Variants in SLC6A7 observed in about 807,000 individuals in gnomAD.
SLC6A7 encodes the protein solute carrier family 6 member 7.
A neutral mutation model predicts 73.1 loss-of-function variants in SLC6A7; 58 were observed. That is an observed-to-expected ratio of 0.79 (90% CI 0.64 to 0.99). The LOEUF is 0.99. Among genes scored for constraint, SLC6A7 ranks in the 50% least tolerant of loss-of-function variants. The pLI, the probability that SLC6A7 is intolerant of heterozygous loss-of-function variation, is 0.00. For missense variants in SLC6A7, 783 were observed against 831.4 expected, an observed-to-expected ratio of 0.94 and a Z score of 0.72; for synonymous variants, 338 against 338.7, an observed-to-expected ratio of 1.00 and a Z score of 0.02.
At position 150,209,745 on chromosome 5, in the gene SLC6A7, C is replaced by T. The variant is rs958977558; in HGVS notation, c.*130C>T. The T allele has an allele frequency of 1.8e-5, 14 of 757,036 alleles. No individual in the cohort carries two copies. Among genetic ancestry groups the T allele is most frequent in the Non-Finnish European group, 2.9e-5 (13 of 448,210 alleles). 46.9% of individuals were successfully genotyped at this position (757,036 alleles called of 1,614,324 possible). A position where few individuals can be genotyped will look rare whatever the true frequency, so the allele number is the denominator to read the frequency against. On this transcript the variant is annotated 3_prime_UTR_variant, in exon 14 of 14. Coordinates refer to ENST00000230671, the MANE Select transcript of SLC6A7 (RefSeq NM_014228.5). ...GGGGCCTGCCATAGGGATGCCAGTC[C>T]CCCAGTGGGGGTCCCTTCTGCAGCC...
rs775635399 is a variant in SLC6A7 at position 150,202,447 on chromosome 5, A to C, written c.959A>C (p.Tyr320Ser). Residue 320 changes from tyrosine to serine, a missense_variant, in exon 7 of 14, where the codon TAT becomes TCT. Tyr to Ser is a moderately radical substitution (Grantham distance 144, BLOSUM62 -2). Transcript: ENST00000230671. ...TACAACACGTTTCACCAGAACATCT[A>C]TAGGTCAGTGTCCCACAGCCTCCCA... ...ASYNTFHQNI[Y>S]RDTFIVTLGN... The C allele has an allele frequency of 5.6e-6, 9 of 1,613,358 alleles. No homozygotes were observed. The highest frequency in any genetic ancestry group is 7.6e-6 in the Non-Finnish European group (9 of 1,179,444).
Position 150,190,456 on chromosome 5 carries a change from C to T in SLC6A7, c.33+96C>T. 6.2e-6 allele frequency: 5 copies of T among 804,642 alleles called. No homozygotes were observed. In the South Asian group the frequency reaches 8.5e-5, roughly 14 times the overall value. 49.8% of individuals were successfully genotyped at this position (804,642 alleles called of 1,614,324 possible). A position where few individuals can be genotyped will look rare whatever the true frequency, so the allele number is the denominator to read the frequency against. On this transcript the variant is annotated intron_variant, in intron 1 of 13. Coordinates refer to ENST00000230671, the MANE Select transcript of SLC6A7 (RefSeq NM_014228.5). ...CCCCTGGGGAAGGTCTGAGGATGCA[C>T]CCAGACCAGCTTCGGGCTCTGGGGA... is the stretch of plus-strand genomic sequence containing the variant.
rs781504041 is a variant in SLC6A7, at chr5:150,204,900, G to A, written c.1506G>A (p.Trp502Ter). 1.2e-6 allele frequency: 2 copies of A among 1,606,010 alleles called. No individual in the cohort carries two copies. Among genetic ancestry groups the A allele is most frequent in the Non-Finnish European group, 1.7e-6 (2 of 1,172,718 alleles). ...FKPGLYFRAC[W>*]LFLSPATLLA... ...CGGGCCTCTACTTCAGGGCCTGCTG[G>A]CTGTTCCTGTCCCCAGCCACGCTCT... is the stretch of plus-strand genomic sequence containing the variant. Residue 502 changes from tryptophan to a stop codon, truncating the protein, a stop_gained, in exon 12 of 14, where the codon TGG becomes TGA. Transcript: ENST00000230671. LOFTEE classifies it high-confidence loss of function.
chr5:150,196,681 C>G, intron 2 of SLC6A7, 35 bp from the exon 3 acceptor site: 1 of 1,599,426 alleles, frequency 6.3e-7, no homozygotes, highest in Non-Finnish European at 8.5e-7. Flanking sequence ...GGGAGCTGCC[C>G]CCAAGGCCCT....
intron 13 of SLC6A7, among the ~76,000 whole-genome samples, chr5:150,208,120 T>C (rs1178486880): frequency 6.6e-6 from 1 of 151,616 alleles, no homozygotes; most frequent in Non-Finnish European, 1.5e-5. Context: ...CAAACCTAAG[T>C]CCTTGTTCTC....
rs187765008 is a variant in SLC6A7, at chr5:150,203,886, C to A, written c.1201-21C>A. The A allele has an allele frequency of 3.6e-3, 5,787 of 1,609,430 alleles. 15 individuals are homozygous for A. The highest frequency in any genetic ancestry group is 4.3e-3 in the Non-Finnish European group (5,041 of 1,178,258). ...GTGTTGGGGATAGAATTCTGACCCC[C>A]AGCCCCTCCTCTCTCCTCAGTTTGC... On this transcript the variant is annotated intron_variant, in intron 9 of 13. Transcript: ENST00000230671.
In SLC6A7 at chr5:150,201,694, C is replaced by G. The variant is rs1482657069; in HGVS notation, c.858+471C>G. 2.6e-5 allele frequency among the ~76,000 whole-genome samples: 4 copies of G among 152,260 alleles called. No individual in the cohort carries two copies. The East Asian group carries it at 7.7e-4, about 29-fold the overall frequency. ...GTCATACAGCTAGGGGATCGAAGAA[C>G]AGGGATCCCAGCCCAGATTTGTGTG... On this transcript the variant is annotated intron_variant, in intron 6 of 13. Transcript: ENST00000230671.
At chr5:150,205,685 C>A in intron 13 of SLC6A7, 62 bp downstream of exon 13, 1 of 1,415,232 alleles carries the variant, frequency 7.1e-7, no homozygotes, top group South Asian at 1.3e-5. Context: ...CCTAGGTCCC[C>A]CTGCTAGAAC....
intron 13 of SLC6A7, among the ~76,000 whole-genome samples, chr5:150,208,033 C>G (rs558569364): frequency 6.6e-6 from 1 of 151,788 alleles, no homozygotes; most frequent in African/African-American, 2.4e-5. Flanking sequence ...CCCCATAACA[C>G]AGAATCCTCT....
chr5:150,205,748 T>TG, intron 13 of SLC6A7, 125 bp downstream of exon 13: 1 of 840,104 alleles, frequency 1.2e-6, no homozygotes, highest in Non-Finnish European at 1.8e-6. Flanking sequence ...TGAGGAGACT[T>TG]GCCTGGGCTG....
chr5:150,197,848 G>T (rs1294481720), intron 4 of SLC6A7, among the ~76,000 whole-genome samples: 1 of 152,084 alleles, frequency 6.6e-6, no homozygotes, highest in African/African-American at 2.4e-5. Context: ...ATAGAGATAG[G>T]ACTATAATAG....
At chr5:150,196,972 C>A in intron 3 of SLC6A7, 70 bp from the exon 4 acceptor site, 1 of 1,545,708 alleles carries the variant, frequency 6.5e-7, no homozygotes, top group African/African-American at 1.4e-5. Flanking sequence ...CTGCCAGCTC[C>A]CCAGAAGCCA....
At position 150,203,920 on chromosome 5, in the gene SLC6A7, A is replaced by T. The variant is rs1207808004; in HGVS notation, c.1214A>T (p.Glu405Val). The T allele has an allele frequency of 3.7e-6, 6 of 1,612,432 alleles. No homozygotes were observed. In the Admixed American group the frequency reaches 1.0e-4, roughly 27 times the overall value. Residue 405 changes from glutamate to valine, a missense_variant, in exon 10 of 14, where the codon GAG (glutamate) becomes GTG (valine). Glu to Val is a moderately radical substitution (Grantham distance 121). Transcript: ENST00000230671. ...CTCTCTCCTCAGTTTGCTTTTCTGG[A>T]GACCATTGTGACAGCTGTGACAGAT... ...LGLDSQFAFL[E>V]TIVTAVTDEF...
intron 8 of SLC6A7, 136 bp from the exon 9 acceptor site, chr5:150,203,528 AGGG>A: frequency 1.6e-6 from 1 of 606,982 alleles, no homozygotes; most frequent in Non-Finnish European, 3.0e-6. Context: ...GAAGTATCAG[AGGG>A]TGCATTTAAG....
At chr5:150,201,728 C>A (rs1753393517) in intron 6 of SLC6A7, among the ~76,000 whole-genome samples, 1 of 152,118 alleles carries the variant, frequency 6.6e-6, no homozygotes, top group Admixed American at 6.5e-5. Flanking sequence ...TGACTGTAAA[C>A]CCCAAGGAGG....
intron 1 of SLC6A7, among the ~76,000 whole-genome samples, chr5:150,193,965 C>T (rs1402812415): frequency 5.3e-5 from 8 of 152,038 alleles, no homozygotes; most frequent in Non-Finnish European, 1.0e-4. Flanking sequence ...TTCCTCATGA[C>T]GAAAATGGAG....
At chr5:150,206,123 T>C (rs1451483710) in intron 13 of SLC6A7, among the ~76,000 whole-genome samples, 1 of 152,212 alleles carries the variant, frequency 6.6e-6, no homozygotes, top group Non-Finnish European at 1.5e-5. Flanking sequence ...CCACAGGGTC[T>C]GAGGCCTTGG....
At position 150,196,891 on chromosome 5, in the gene SLC6A7, G is replaced by T. The variant is rs770592336; in HGVS notation, c.349+44G>T. On this transcript the variant is annotated intron_variant, in intron 3 of 13. Transcript: ENST00000230671. The stretch of plus-strand genomic sequence containing the variant: ...CCAGGGAGGGAAGGGCTCAGGGTCT[G>T]GGGGAGGCAGGGAGGTTGCCCCCAG... 23 of 1,591,924 alleles carry T rather than the reference G, an allele frequency of 1.4e-5. No homozygotes were observed. In the Admixed American group the frequency reaches 4.0e-4, roughly 27 times the overall value.
intron 13 of SLC6A7, 127 bp from the exon 14 acceptor site, chr5:150,209,279 G>A (rs572606671): frequency 4.1e-4 from 317 of 773,756 alleles, no homozygotes; most frequent in Non-Finnish European, 5.3e-4. Flanking sequence ...CCACTTCCCC[G>A]CCAGGGGGCT....
Sources: gnomAD v4.1 joint callset for allele counts (sites outside exome capture counted in the v4.1 genomes callset) on GRCh38, gnomAD v4.1.1 for gene constraint, MANE v1.5 for transcripts, NCBI Gene and HGNC (gene_info 2026-07-23, HGNC 2026-07-21) for gene names.